The following PCDHGA2 variants were observed in gnomAD, a reference collection of about 807,000 sequenced individuals.
PCDHGA2 encodes the protein protocadherin gamma-A2.
PCDHGA2 carries 40 observed loss-of-function variants against 59.2 expected under a neutral mutation model. The observed-to-expected ratio is 0.68, with a 90% CI of 0.52 to 0.88. The LOEUF is 0.88. Ranked by LOEUF, PCDHGA2 falls within the 40% of genes least tolerant of loss-of-function variation. The pLI is 0.00. For missense variants in PCDHGA2, 1,226 were observed against 1,204.0 expected, an observed-to-expected ratio of 1.02 and a Z score of -0.27; for synonymous variants, 560 against 526.0, an observed-to-expected ratio of 1.06 and a Z score of -0.89.
At chr5:141,505,616 C>T in intron 3 of PCDHGA2, 135 bp downstream of exon 3, 2 of 1,503,162 alleles carry the variant, frequency 1.3e-6, no homozygotes, top group South Asian at 1.3e-5. Flanking sequence ...CTGAAAGGAC[C>T]CACAATTCCA....
intron 1 of PCDHGA2, chr5:141,375,433 C>T: frequency 6.2e-7 from 1 of 1,614,016 alleles, no homozygotes; most frequent in African/African-American, 1.3e-5. Context: ...ACAACCCGCC[C>T]ACCTTCCCCC....
chr5:141,508,270 G>C lies in PCDHGA2; in HGVS notation c.2573-2677G>C, dbSNP rs547745015. On this transcript the variant is annotated intron_variant, in intron 3 of 3. Coordinates refer to ENST00000394576, the MANE Select transcript of PCDHGA2 (RefSeq NM_018915.4). Reference sequence around the variant, plus strand: ...TCTCCTGGGACCAAGAGAAAATCCCGGTCCTTGACCAAGGTGGGCCTTGGG... The same window carrying C: ...TCTCCTGGGACCAAGAGAAAATCCCCGTCCTTGACCAAGGTGGGCCTTGGG... 4 of 152,228 alleles carry C rather than the reference G, an allele frequency of 2.6e-5. No individual in the cohort carries two copies. The East Asian group carries it at 7.7e-4, about 29-fold the overall frequency. 9.4% of individuals were successfully genotyped at this position (152,228 alleles called of 1,614,324 possible). A position where few individuals can be genotyped will look rare whatever the true frequency, so the allele number is the denominator to read the frequency against.
chr5:141,394,405 T>C, intron 1 of PCDHGA2: 2 of 1,614,222 alleles, frequency 1.2e-6, no homozygotes, highest in Non-Finnish European at 1.7e-6. Context: ...CTGCAGCTAC[T>C]GGTAACAGCC....
chr5:141,352,290 C>T (rs376402218), intron 1 of PCDHGA2: 1 of 1,613,958 alleles, frequency 6.2e-7, no homozygotes, highest in Non-Finnish European at 8.5e-7. Context: ...CGCCCTGAGC[C>T]CTCTGACCCC....
intron 1 of PCDHGA2, chr5:141,379,352 A>G (rs1189647778): frequency 1.3e-5 from 2 of 152,198 alleles, no homozygotes; most frequent in Non-Finnish European, 2.9e-5. Flanking sequence ...ATTTTCTTGT[A>G]TCTTTGTGAT....
At chr5:141,393,147 G>A in intron 1 of PCDHGA2, 2 of 1,613,298 alleles carry the variant, frequency 1.2e-6, no homozygotes, top group Non-Finnish European at 1.7e-6. Flanking sequence ...CCTGGTTGAG[G>A]ATAAAGGAAA....
chr5:141,368,497 A>G (rs575171402), intron 1 of PCDHGA2, among the ~76,000 whole-genome samples: 1 of 152,306 alleles, frequency 6.6e-6, no homozygotes, highest in East Asian at 1.9e-4. Flanking sequence ...TCTATACAGT[A>G]GGTGTCGACA....
chr5:141,366,445 G>C (rs368468540), intron 1 of PCDHGA2: 10 of 1,614,084 alleles, frequency 6.2e-6, no homozygotes, highest in Non-Finnish European at 8.5e-6. Flanking sequence ...GCGTCTTCCT[G>C]GCCTTCGTCA....
chr5:141,441,230 ATTTAAATCACAAGATC>A (rs1009424536), intron 1 of PCDHGA2: 1 of 152,196 alleles, frequency 6.6e-6, no homozygotes, highest in African/African-American at 2.4e-5. Context: ...ACTGTCCAGG[ATTTAAATCACAAGATC>A]TTTAAATCAC....
chr5:141,350,490 A>G, intron 1 of PCDHGA2: 2 of 1,614,006 alleles, frequency 1.2e-6, no homozygotes, highest in Non-Finnish European at 1.7e-6. Context: ...GTTAGTTTGG[A>G]GAGCGGGGAT....
intron 2 of PCDHGA2, among the ~76,000 whole-genome samples, chr5:141,501,110 G>A (rs1373404247): frequency 2.6e-5 from 4 of 151,908 alleles, no homozygotes; most frequent in Admixed American, 6.6e-5. Flanking sequence ...CTCGTGATCC[G>A]CCTGCCTCAG....
chr5:141,389,481 C>A, intron 1 of PCDHGA2: 1 of 1,613,080 alleles, frequency 6.2e-7, no homozygotes, highest in Non-Finnish European at 8.5e-7. Context: ...ACTGCAGGCC[C>A]GCGACCAGGG....
chr5:141,364,754 G>A (rs940260607), intron 1 of PCDHGA2: 5 of 1,613,870 alleles, frequency 3.1e-6, no homozygotes, highest in Non-Finnish European at 4.2e-6. Context: ...AAAAGTAAAA[G>A]TTAATGAAAA....
At chr5:141,444,329 G>A (rs536314842) in intron 1 of PCDHGA2, among the ~76,000 whole-genome samples, 17 of 151,674 alleles carry the variant, frequency 1.1e-4, no homozygotes, top group Admixed American at 1.1e-3. Flanking sequence ...GTGCCACCAC[G>A]CCCAGCTAAT....
chr5:141,495,529 C>T (rs1466269939), intron 2 of PCDHGA2, among the ~76,000 whole-genome samples: 1 of 152,210 alleles, frequency 6.6e-6, no homozygotes, highest in African/African-American at 2.4e-5. Flanking sequence ...ACCTCTCAGT[C>T]CTTCCCTCAG....
At position 141,361,482 on chromosome 5, in the gene PCDHGA2, C is replaced by T. The variant is rs759187963; in HGVS notation, c.2424+20087C>T. The stretch of plus-strand genomic sequence containing the variant: ...ACATCTCCGACGTCAACGATAATGC[C>T]CCAGTTTTCCAACAGACTTCCTACA... On this transcript the variant is annotated intron_variant, in intron 1 of 3. Coordinates refer to ENST00000394576, the MANE Select transcript of PCDHGA2 (RefSeq NM_018915.4). 1.4e-5 allele frequency: 23 copies of T among 1,613,870 alleles called. No homozygotes were observed. In the Admixed American group the frequency reaches 3.2e-4, roughly 22 times the overall value.
chr5:141,432,800 C>T lies in PCDHGA2; in HGVS notation c.2425-62007C>T. The T allele has an allele frequency of 6.2e-7, 1 of 1,614,156 alleles. No individual in the cohort carries two copies. The highest frequency in any genetic ancestry group is 8.5e-7 in the Non-Finnish European group (1 of 1,180,008). ...GGCGGACCTCGGCAGCCTCGAGTCT[C>T]CAGCTAACTCTGAAACCTCAGACCT... On this transcript the variant is annotated intron_variant, in intron 1 of 3. Transcript: ENST00000394576. This position sits in a 1 kb window ranked among gnomAD's most constrained non-coding sequence, Gnocchi z 6.0.
In PCDHGA2 at chr5:141,356,135, C is replaced by T. The variant is rs1051475792; in HGVS notation, c.2424+14740C>T. ...TTGGGGGGTCTAGATTATGAGGACT[C>T]TGGATTCTATGACATAGATGTAGAA... On this transcript the variant is annotated intron_variant, in intron 1 of 3. Coordinates refer to ENST00000394576, the MANE Select transcript of PCDHGA2 (RefSeq NM_018915.4). 3.3e-5 allele frequency: 53 copies of T among 1,613,762 alleles called. No individual in the cohort carries two copies. The African/African-American group carries it at 5.3e-4, about 16-fold the overall frequency.
rs2099413746 is a variant in PCDHGA2, at chr5:141,477,589, G to A, written c.2425-17218G>A. ...ACCCCGACGCCCCGCAGAATGCTCGGCTTTCTTTCTTTCTCTTGGAGCAAG... is the reference window on the plus strand; with the variant it reads ...ACCCCGACGCCCCGCAGAATGCTCGACTTTCTTTCTTTCTCTTGGAGCAAG... On this transcript the variant is annotated intron_variant, in intron 1 of 3. Transcript: ENST00000394576. The surrounding 1 kb of genome is among the most constrained non-coding windows in gnomAD (Gnocchi z 4.9). 1 of 1,614,012 alleles carries A rather than the reference G, an allele frequency of 6.2e-7. No individual in the cohort carries two copies. The highest frequency in any genetic ancestry group is 1.1e-5 in the South Asian group (1 of 91,090).
Sources: gnomAD v4.1 joint callset for allele counts (sites outside exome capture counted in the v4.1 genomes callset) on GRCh38, gnomAD v4.1.1 for gene constraint, Gnocchi (gnomAD v3.1) non-coding constraint, MANE v1.5 for transcripts, NCBI Gene and HGNC (gene_info 2026-07-23, HGNC 2026-07-21) for gene names.